ENTPD4: variants seen among roughly 807,000 people sequenced by gnomAD.
The protein encoded by ENTPD4 is ectonucleoside triphosphate diphosphohydrolase 4.
In ENTPD4, 60 loss-of-function variants were observed where a neutral mutation model predicts 79.1. That is an observed-to-expected ratio of 0.76 (90% CI 0.62 to 0.94). The LOEUF (loss-of-function observed/expected upper bound fraction) is 0.94, where lower values mean the gene tolerates loss of function less well. Ranked by LOEUF, ENTPD4 falls within the 40% of genes least tolerant of loss-of-function variation. The pLI is 0.00. For missense variants in ENTPD4, 772 were observed against 775.1 expected (o/e 1.00, Z 0.05); for synonymous variants, 276 against 292.0 (o/e 0.95, Z 0.56).
chr8:23,430,477 T>C lies in ENTPD4; in HGVS notation c.*2449A>G, dbSNP rs899771020. ...AGGATGCTTCTGTCTGTATCCTTTT[T>C]TGAACTGCATTGTTCTCACAAGGAC... On this transcript the variant is annotated 3_prime_UTR_variant, in exon 13 of 13. Transcript: ENST00000358689. 1 of 985,376 alleles carries C rather than the reference T, an allele frequency of 1.0e-6. No homozygotes were observed. Among genetic ancestry groups the C allele is most frequent in the Non-Finnish European group, 1.2e-6 (1 of 829,954 alleles). The allele number at this position is 985,376 out of a possible 1,614,324, so 61.0% of individuals were successfully genotyped here. A position where few individuals can be genotyped will look rare whatever the true frequency, so the allele number is the denominator to read the frequency against.
chr8:23,434,466 G>C lies in ENTPD4; in HGVS notation c.1473C>G (p.Phe491Leu). Residue 491 changes from phenylalanine to leucine, a missense_variant, in exon 12 of 13, where the codon TTC becomes TTG. Phe to Leu is a conservative substitution (Grantham distance 22). Transcript: ENST00000358689. ...ADLHRLKYQCFKSAWMFEVFH... is the reference protein window; with the variant it reads ...ADLHRLKYQCLKSAWMFEVFH... The stretch of plus-strand genomic sequence containing the variant: ...ACACCTCAAACATCCAGGCCGATTT[G>C]AAGCACTGATACCTACAAACGGCAA... The C allele has an allele frequency of 6.2e-7, 1 of 1,614,104 alleles. No homozygotes were observed.
At chr8:23,446,046 C>T (rs1203221720) in intron 4 of ENTPD4, among the ~76,000 whole-genome samples, 1 of 152,216 alleles carries the variant, frequency 6.6e-6, no homozygotes, top group Non-Finnish European at 1.5e-5. Flanking sequence ...TTTCAATGCA[C>T]TCGAAGCCCT....
rs1585396685 is a variant in ENTPD4, at chr8:23,429,710, A to G, written c.*3216T>C. On this transcript the variant is annotated 3_prime_UTR_variant, in exon 13 of 13. Transcript: ENST00000358689. The stretch of plus-strand genomic sequence containing the variant: ...AAACTGGTGGTGAAAAGAGGGACCT[A>G]CCCAGCCTTCAGGGTGGCTGGGCAG... 1.1e-5 allele frequency: 11 copies of G among 985,406 alleles called. No individual in the cohort carries two copies. Among genetic ancestry groups the G allele is most frequent in the Non-Finnish European group, 1.3e-5 (11 of 829,918 alleles). 61.0% of individuals were successfully genotyped at this position (985,406 alleles called of 1,614,324 possible). A position where few individuals can be genotyped will look rare whatever the true frequency, so the allele number is the denominator to read the frequency against.
At chr8:23,436,810 C>T in intron 10 of ENTPD4, 124 bp downstream of exon 10, 1 of 788,950 alleles carries the variant, frequency 1.3e-6, no homozygotes, top group Non-Finnish European at 2.1e-6. Context: ...AGGATCCCAA[C>T]ATGCTGCAGT....
chr8:23,430,371 A>G lies in ENTPD4; in HGVS notation c.*2555T>C. On this transcript the variant is annotated 3_prime_UTR_variant, in exon 13 of 13. Coordinates refer to ENST00000358689, the MANE Select transcript of ENTPD4 (RefSeq NM_004901.5). ...TCCGAAGTGAAATTCTGGTGCAACA[A>G]ATATTTTAAGATTGAAGTTTGGTTA... The G allele has an allele frequency of 1.0e-6, 1 of 985,452 alleles. No individual in the cohort carries two copies. The highest frequency in any genetic ancestry group is 4.7e-5 in the South Asian group (1 of 21,290). The allele number at this position is 985,452 out of a possible 1,614,324, so 61.0% of individuals were successfully genotyped here.
chr8:23,431,881 C>T lies in ENTPD4; in HGVS notation c.*1045G>A, dbSNP rs1164196153. ...TGCCACTGAAATATGGAATAAGGAG[C>T]GTAATTACCTGCGGTCAGGAAAAGA... On this transcript the variant is annotated 3_prime_UTR_variant, in exon 13 of 13. Coordinates refer to ENST00000358689, the MANE Select transcript of ENTPD4 (RefSeq NM_004901.5). 6.5e-5 allele frequency: 64 copies of T among 985,162 alleles called. No homozygotes were observed. The highest frequency in any genetic ancestry group is 7.6e-5 in the Non-Finnish European group (63 of 829,898). The allele number at this position is 985,162 out of a possible 1,614,324, so 61.0% of individuals were successfully genotyped here. A position where few individuals can be genotyped will look rare whatever the true frequency, so the allele number is the denominator to read the frequency against.
At chr8:23,435,321 G>C in intron 11 of ENTPD4, 71 bp downstream of exon 11, 12 of 1,064,616 alleles carry the variant, frequency 1.1e-5, no homozygotes, top group Non-Finnish European at 1.7e-5. Flanking sequence ...GCCAGGGTGT[G>C]GCAAGCCAGT....
chr8:23,444,882 C>T (rs1371573184), intron 4 of ENTPD4, among the ~76,000 whole-genome samples: 1 of 152,080 alleles, frequency 6.6e-6, no homozygotes, highest in Non-Finnish European at 1.5e-5. Context: ...CCTCGAGAAA[C>T]GTGCTCCCCC....
chr8:23,444,640 AT>A, intron 4 of ENTPD4, 34 bp from the exon 5 acceptor site: 1 of 1,599,160 alleles, frequency 6.3e-7, no homozygotes, highest in Non-Finnish European at 8.6e-7. Flanking sequence ...TAAGAAGCAG[AT>A]ATTTTAGCTA....
intron 10 of ENTPD4, 63 bp downstream of exon 10, chr8:23,436,870 AC>A: frequency 2.4e-6 from 3 of 1,263,454 alleles, no homozygotes; most frequent in Non-Finnish European, 3.3e-6. Context: ...GGAGGACATA[AC>A]CCGTCACCGT....
In ENTPD4 at chr8:23,434,410, T is replaced by C; in HGVS notation, c.1529A>G (p.Tyr510Cys). ...FHRGFSFPVNYKSLKTALQVY... is the reference protein window; with the variant it reads ...FHRGFSFPVNCKSLKTALQVY... ...TTGCAAGGCAGTCTTTAAGCTTTTA[T>C]AGTTGACAGGAAACGAAAAGCCCCT... The change falls in exon 12 of 13, where the codon TAT (tyrosine) becomes TGT (cysteine). Residue 510 changes from tyrosine to cysteine, a missense_variant. Coordinates refer to ENST00000358689, the MANE Select transcript of ENTPD4 (RefSeq NM_004901.5). The C allele has an allele frequency of 6.2e-7, 1 of 1,614,226 alleles. No homozygotes were observed. Among genetic ancestry groups the C allele is most frequent in the Non-Finnish European group, 8.5e-7 (1 of 1,180,042 alleles).
chr8:23,454,463 G>A (rs937998284), intron 1 of ENTPD4, among the ~76,000 whole-genome samples: 7 of 152,222 alleles, frequency 4.6e-5, no homozygotes, highest in African/African-American at 1.7e-4. Flanking sequence ...GATTGCTACA[G>A]AGAAAATACT....
chr8:23,441,502 C>T (rs1020177383), intron 8 of ENTPD4, 67 bp downstream of exon 8: 5 of 1,581,218 alleles, frequency 3.2e-6, no homozygotes, highest in Non-Finnish European at 4.3e-6. Context: ...GAAAACAAAA[C>T]AAGAACGATG....
At chr8:23,441,508 C>T (rs1287005254) in intron 8 of ENTPD4, 61 bp downstream of exon 8, 15 of 1,588,824 alleles carry the variant, frequency 9.4e-6, no homozygotes, top group South Asian at 2.3e-5. Flanking sequence ...AAAACAAGAA[C>T]GATGGACACA....
Position 23,429,952 on chromosome 8 carries a change from A to G in ENTPD4, c.*2974T>C. The G allele has an allele frequency of 1.0e-6, 1 of 985,488 alleles. No homozygotes were observed. The highest frequency in any genetic ancestry group is 1.2e-6 in the Non-Finnish European group (1 of 829,932). 61.0% of individuals were successfully genotyped at this position (985,488 alleles called of 1,614,324 possible). A position where few individuals can be genotyped will look rare whatever the true frequency, so the allele number is the denominator to read the frequency against. ...AAAGTGAGAAGCCCATGATATGGCT[A>G]TGGAACATAAGCACTTATTGCTGGC... On this transcript the variant is annotated 3_prime_UTR_variant, in exon 13 of 13. Transcript: ENST00000358689.
intron 2 of ENTPD4, among the ~76,000 whole-genome samples, chr8:23,449,343 T>A (rs1800819134): frequency 1.3e-5 from 2 of 152,324 alleles, no homozygotes; most frequent in South Asian, 4.1e-4. Flanking sequence ...GAGAAAGGCA[T>A]GTCGTAAGCT....
rs1050807690 is a variant in ENTPD4 at position 23,432,830 on chromosome 8, G to A, written c.*96C>T. On this transcript the variant is annotated 3_prime_UTR_variant, in exon 13 of 13. Coordinates refer to ENST00000358689, the MANE Select transcript of ENTPD4 (RefSeq NM_004901.5). ...TGTTTTTGTTTGGAGGAACAAAAAA[G>A]GGAAAGAAAAAACAAAACCACAGGA... 6.2e-6 allele frequency: 9 copies of A among 1,451,744 alleles called. No individual in the cohort carries two copies. The highest frequency in any genetic ancestry group is 2.8e-5 in the Admixed American group (1 of 35,852). The allele number at this position is 1,451,744 out of a possible 1,614,324, so 89.9% of individuals were successfully genotyped here.
Position 23,429,935 on chromosome 8 carries a change from A to G in ENTPD4, c.*2991T>C. 21 of 985,474 alleles carry G rather than the reference A, an allele frequency of 2.1e-5. No homozygotes were observed. The highest frequency in any genetic ancestry group is 2.5e-5 in the Non-Finnish European group (21 of 829,930). 61.0% of individuals were successfully genotyped at this position (985,474 alleles called of 1,614,324 possible). A position where few individuals can be genotyped will look rare whatever the true frequency, so the allele number is the denominator to read the frequency against. ...CCCCTGGAGGAGGTTTAAAAGTGAGAAGCCCATGATATGGCTATGGAACAT... is the reference window on the plus strand; with the variant it reads ...CCCCTGGAGGAGGTTTAAAAGTGAGGAGCCCATGATATGGCTATGGAACAT... On this transcript the variant is annotated 3_prime_UTR_variant, in exon 13 of 13. Coordinates refer to ENST00000358689, the MANE Select transcript of ENTPD4 (RefSeq NM_004901.5).
At chr8:23,455,995 T>A (rs911316236) in intron 1 of ENTPD4, among the ~76,000 whole-genome samples, 2 of 152,216 alleles carry the variant, frequency 1.3e-5, no homozygotes, top group African/African-American at 4.8e-5. Flanking sequence ...GACAGATCTC[T>A]TGGCGACTCA....
Sources: allele counts gnomAD v4.1 joint callset (sites outside exome capture counted in the v4.1 genomes callset), GRCh38; gene constraint gnomAD v4.1.1; transcripts MANE v1.5; gene names NCBI Gene and HGNC (gene_info 2026-07-23, HGNC 2026-07-21).